Variants in MAD1L1 observed in about 807,000 individuals in gnomAD.
The protein encoded by MAD1L1 is mitotic spindle assembly checkpoint protein MAD1.
Under a neutral mutation model 96.9 loss-of-function variants are expected in MAD1L1, and 95 were observed. The observed-to-expected ratio is 0.98, with a 90% CI of 0.83 to 1.16. MAD1L1 has a LOEUF of 1.16. Ranked by LOEUF, MAD1L1 falls within the 50% of genes most tolerant of loss-of-function variation. MAD1L1 has a pLI of 0.00. For synonymous variants in MAD1L1, 473 were observed against 396.6 expected (o/e 1.19, Z -2.29); for missense variants, 1,007 against 954.4 (o/e 1.06, Z -0.73).
intron 12 of MAD1L1, among the ~76,000 whole-genome samples, chr7:2,063,367 G>A (rs1177814726): frequency 6.6e-6 from 1 of 152,232 alleles, no homozygotes; most frequent in Non-Finnish European, 1.5e-5. Context: ...GACACCATCA[G>A]GGAAGATCAG....
chr7:2,147,662 G>A (rs1172023254), intron 11 of MAD1L1, among the ~76,000 whole-genome samples: 2 of 152,230 alleles, frequency 1.3e-5, no homozygotes, highest in Non-Finnish European at 2.9e-5. Context: ...CTCAGAGGGA[G>A]CCCACAGGTC....
chr7:1,851,286 G>A (rs1157805695), intron 18 of MAD1L1, among the ~76,000 whole-genome samples: 2 of 152,200 alleles, frequency 1.3e-5, no homozygotes, highest in Non-Finnish European at 2.9e-5. Context: ...GCTTGGCCTC[G>A]GCCGGCACAG....
intron 18 of MAD1L1, chr7:1,817,581 G>C (rs1373420629): frequency 6.6e-6 from 1 of 152,244 alleles, no homozygotes; most frequent in African/African-American, 2.4e-5. Flanking sequence ...GGATGTCCTG[G>C]AGGGGCACGT....
intron 18 of MAD1L1, among the ~76,000 whole-genome samples, chr7:1,835,614 C>G (rs993028557): frequency 1.9e-4 from 29 of 152,190 alleles, no homozygotes; most frequent in South Asian, 4.1e-4. Flanking sequence ...CCTATGTTAT[C>G]AGGAAGGGGT....
intron 11 of MAD1L1, among the ~76,000 whole-genome samples, chr7:2,098,148 T>C (rs1301383583): frequency 6.6e-6 from 1 of 152,148 alleles, no homozygotes; most frequent in Non-Finnish European, 1.5e-5. Context: ...GAAGACACAC[T>C]TGGAATCACC....
chr7:2,043,434 C>CA (rs776092611), intron 12 of MAD1L1, among the ~76,000 whole-genome samples: 1 of 152,218 alleles, frequency 6.6e-6, no homozygotes, highest in Admixed American at 6.5e-5. Context: ...TTTAATCCTC[C>CA]AAAAATCCAT....
chr7:2,033,870 C>G (rs376698820), intron 12 of MAD1L1, among the ~76,000 whole-genome samples: 1 of 152,224 alleles, frequency 6.6e-6, no homozygotes, highest in African/African-American at 2.4e-5. Context: ...TGTGAGAGGC[C>G]GAGGCAGGAG....
chr7:1,863,389 C>T (rs550048426), intron 18 of MAD1L1, among the ~76,000 whole-genome samples: 67 of 152,190 alleles, frequency 4.4e-4, no homozygotes, highest in Non-Finnish European at 7.9e-4. Flanking sequence ...GCCAGCGGCA[C>T]GGCCGTCACA....
intron 4 of MAD1L1, 108 bp downstream of exon 4, chr7:2,225,301 CT>C: frequency 9.4e-7 from 1 of 1,061,404 alleles, no homozygotes; most frequent in South Asian, 1.5e-5. Flanking sequence ...GCACAGCCCC[CT>C]TGCTCCCAGG....
At chr7:2,191,035 T>C (rs1412763850) in intron 10 of MAD1L1, among the ~76,000 whole-genome samples, 1 of 152,218 alleles carries the variant, frequency 6.6e-6, no homozygotes, top group East Asian at 1.9e-4. Flanking sequence ...AGAATCTTTA[T>C]CTGCAAGAGC....
intron 11 of MAD1L1, among the ~76,000 whole-genome samples, chr7:2,097,784 G>A (rs975187515): frequency 6.6e-6 from 1 of 152,220 alleles, no homozygotes; most frequent in African/African-American, 2.4e-5. Flanking sequence ...AGACAGTGAG[G>A]CCTTGAGGCT....
intron 15 of MAD1L1, among the ~76,000 whole-genome samples, chr7:1,974,084 G>C (rs2128480956): frequency 6.6e-6 from 1 of 152,328 alleles, no homozygotes; most frequent in Admixed American, 6.5e-5. Context: ...GCTGAGACAG[G>C]CCCTTAGGTA....
chr7:2,057,313 G>A (rs1429139491), intron 12 of MAD1L1, among the ~76,000 whole-genome samples: 5 of 152,212 alleles, frequency 3.3e-5, no homozygotes, highest in African/African-American at 7.2e-5. Context: ...ATCACTTGAC[G>A]TGAGAAGTTC....
chr7:2,061,167 T>C (rs932335806), intron 12 of MAD1L1, among the ~76,000 whole-genome samples: 1 of 151,920 alleles, frequency 6.6e-6, no homozygotes, highest in Non-Finnish European at 1.5e-5. Flanking sequence ...TGAGACCCCA[T>C]CTCTACTAAA....
At position 2,012,316 on chromosome 7, in the gene MAD1L1, G is replaced by A. The variant is rs574652247; in HGVS notation, c.1359+2186C>T. 5.9e-5 allele frequency among the ~76,000 whole-genome samples: 9 copies of A among 152,362 alleles called. No homozygotes were observed. The East Asian group carries it at 1.2e-3, about 20-fold the overall frequency. On this transcript the variant is annotated intron_variant, in intron 13 of 18. Coordinates refer to ENST00000265854, the MANE Select transcript of MAD1L1 (RefSeq NM_001013836.2). ...CGTGACGAGCCAATCACAGTGCAGAGGGCAAGCACAGGCTGGAGAAATCGC... is the reference window on the plus strand; with the variant it reads ...CGTGACGAGCCAATCACAGTGCAGAAGGCAAGCACAGGCTGGAGAAATCGC...
intron 18 of MAD1L1, among the ~76,000 whole-genome samples, chr7:1,827,784 T>G: frequency 6.6e-6 from 1 of 150,760 alleles, no homozygotes; most frequent in Admixed American, 6.6e-5. Context: ...GGTCCTCCCC[T>G]CCTGAGCCCG....
chr7:1,946,541 G>A (rs1476856021), intron 16 of MAD1L1, among the ~76,000 whole-genome samples: 2 of 152,254 alleles, frequency 1.3e-5, no homozygotes, highest in Non-Finnish European at 2.9e-5. Flanking sequence ...GAAAAGTTTG[G>A]AGCCTTCCTT....
chr7:1,957,516 C>T, intron 16 of MAD1L1, 113 bp downstream of exon 16: 2 of 1,052,492 alleles, frequency 1.9e-6, no homozygotes, highest in Non-Finnish European at 1.4e-6. Context: ...AGAGTTCAGA[C>T]AGACGAGCCA....
At chr7:2,098,136 C>G (rs1396995964) in intron 11 of MAD1L1, among the ~76,000 whole-genome samples, 2 of 152,344 alleles carry the variant, frequency 1.3e-5, no homozygotes, top group East Asian at 3.9e-4. Flanking sequence ...ACTTCAGACT[C>G]TGAAGACACA....
Sources: allele counts gnomAD v4.1 joint callset (sites outside exome capture counted in the v4.1 genomes callset), GRCh38; gene constraint gnomAD v4.1.1; transcripts MANE v1.5; gene names NCBI Gene and HGNC (gene_info 2026-07-23, HGNC 2026-07-21).